Variants in UNC79 observed in about 807,000 individuals in gnomAD.
The protein encoded by UNC79 is unc-79 subunit of NALCN channel complex.
Under a neutral mutation model 283.1 loss-of-function variants are expected in UNC79, and 37 were observed. That is an observed-to-expected ratio of 0.13 (90% confidence interval 0.10 to 0.17). The LOEUF (loss-of-function observed/expected upper bound fraction) is 0.17, where lower values mean the gene tolerates loss of function less well. Among genes scored for constraint, UNC79 ranks in the 10% least tolerant of loss-of-function variants. The probability of loss-of-function intolerance (pLI) is 1.00; values close to 1 mark genes in which losing one functional copy is unlikely to be tolerated. For synonymous variants in UNC79, 1,107 were observed against 1,200.2 expected (o/e 0.92, Z 1.61); for missense variants, 2,272 against 3,211.1 (o/e 0.71, Z 7.07).
At chr14:93,684,045 A>T (rs560252475) in intron 42 of UNC79, among the ~76,000 whole-genome samples, 2 of 152,156 alleles carry the variant, frequency 1.3e-5, no homozygotes, top group Admixed American at 6.5e-5. Flanking sequence ...GTCATTAGCA[A>T]TGAGAGCACT....
At chr14:93,505,269 C>A (rs150731640) in intron 7 of UNC79, among the ~76,000 whole-genome samples, 1 of 152,194 alleles carries the variant, frequency 6.6e-6, no homozygotes, top group East Asian at 1.9e-4. Context: ...AAATCTCTTA[C>A]TATGACTGTG....
intron 24 of UNC79, among the ~76,000 whole-genome samples, chr14:93,599,625 C>T (rs562933649): frequency 6.6e-6 from 1 of 152,268 alleles, no homozygotes; most frequent in East Asian, 1.9e-4. Context: ...CATTAGATGA[C>T]AGCTGAATTA....
At chr14:93,643,977 G>C (rs2069324802) in intron 34 of UNC79, among the ~76,000 whole-genome samples, 2 of 152,190 alleles carry the variant, frequency 1.3e-5, no homozygotes, top group African/African-American at 4.8e-5. Flanking sequence ...TGAGCTAATG[G>C]TTGTAACCAC....
In UNC79 at chr14:93,434,292, G is replaced by C. The variant is rs144208971; in HGVS notation, c.22+3241G>C. Among the ~76,000 whole-genome samples, 525 of 152,172 alleles carry C rather than the reference G, an allele frequency of 3.5e-3. 12 individuals are homozygous for C. The South Asian group carries it at 0.051, about 15-fold the overall frequency. On this transcript the variant is annotated intron_variant, in intron 1 of 48. Coordinates refer to ENST00000555664, the Ensembl canonical transcript of UNC79. ...GGAGCCTTTAAAAAATATTCAATCT[G>C]TTTCCTGTGCTATCTGCAGAGCCTC...
At chr14:93,382,299 A>G (rs1314067591) in intron 1 of UNC79, among the ~76,000 whole-genome samples, 3 of 152,132 alleles carry the variant, frequency 2.0e-5, no homozygotes, top group African/African-American at 4.8e-5. Context: ...GAAGAAAAGA[A>G]CACTATTTTC....
intron 5 of UNC79, among the ~76,000 whole-genome samples, chr14:93,490,993 C>T (rs1464023699): frequency 1.4e-4 from 22 of 152,160 alleles, no homozygotes; most frequent in Admixed American, 1.3e-3. Flanking sequence ...AAGCAATGCA[C>T]ATTTGTTTCT....
intron 1 of UNC79, among the ~76,000 whole-genome samples, chr14:93,442,909 CA>C (rs1424240981): frequency 2.0e-5 from 3 of 152,096 alleles, no homozygotes; most frequent in African/African-American, 4.8e-5. Flanking sequence ...GCCAACATGG[CA>C]AAACCCTATA....
Position 93,612,711 on chromosome 14 carries a change from G to A in UNC79, c.3755-86G>A, listed in dbSNP as rs1192419781. 5 of 1,512,836 alleles carry A rather than the reference G, an allele frequency of 3.3e-6. No individual in the cohort carries two copies. The African/African-American group carries it at 5.6e-5, about 17-fold the overall frequency. The allele number at this position is 1,512,836 out of a possible 1,614,324, so 93.7% of individuals were successfully genotyped here. ...AAAATTTTGTAGACGCAGAAACAAG[G>A]GTGCCTTATCAATATCTAAGAGAGA... On this transcript the variant is annotated intron_variant, in intron 26 of 48. Transcript: ENST00000555664.
chr14:93,669,450 C>A (rs1195985331), intron 40 of UNC79, among the ~76,000 whole-genome samples: 1 of 152,062 alleles, frequency 6.6e-6, no homozygotes, highest in East Asian at 1.9e-4. Flanking sequence ...GCTAGAGGAA[C>A]AAAAGTCCGG....
intron 17 of UNC79, 29 bp from the exon 18 acceptor site, chr14:93,577,813 T>C: frequency 6.2e-7 from 1 of 1,608,874 alleles, no homozygotes; most frequent in South Asian, 1.1e-5. Flanking sequence ...TGTGAGTTCA[T>C]TTCTATGTGT....
intron 13 of UNC79, 53 bp from the exon 14 acceptor site, chr14:93,542,413 A>G: frequency 6.5e-7 from 1 of 1,544,256 alleles, no homozygotes; most frequent in East Asian, 2.3e-5. Flanking sequence ...ACCTATAATA[A>G]TTTTGTAAAG....
chr14:93,653,174 T>G (rs1200441465), intron 35 of UNC79, among the ~76,000 whole-genome samples: 1 of 152,092 alleles, frequency 6.6e-6, no homozygotes, highest in Non-Finnish European at 1.5e-5. Context: ...CCTCATAAAT[T>G]TGGCCCTACT....
intron 1 of UNC79, chr14:93,348,124 G>A: frequency 6.4e-7 from 1 of 1,568,198 alleles, no homozygotes; most frequent in Non-Finnish European, 8.8e-7. Context: ...GAATTAGATG[G>A]AAGATGATGT....
At chr14:93,443,006 T>C (rs1798194073) in intron 1 of UNC79, among the ~76,000 whole-genome samples, 1 of 152,070 alleles carries the variant, frequency 6.6e-6, no homozygotes, top group Non-Finnish European at 1.5e-5. Context: ...GGCATATCAC[T>C]TTAGGTCAGG....
intron 39 of UNC79, among the ~76,000 whole-genome samples, chr14:93,659,720 G>A (rs371563015): frequency 3.2e-4 from 49 of 152,220 alleles, no homozygotes; most frequent in South Asian, 1.0e-3. Context: ...CAGAATCAGC[G>A]TTATCATCAT....
At chr14:93,671,568 T>G (rs1465584021) in intron 40 of UNC79, among the ~76,000 whole-genome samples, 2 of 151,808 alleles carry the variant, frequency 1.3e-5, no homozygotes, top group Non-Finnish European at 2.9e-5. Flanking sequence ...AGATTGGGAG[T>G]ACAAGACCAG....
chr14:93,453,796 A>G (rs1264312533), intron 1 of UNC79, among the ~76,000 whole-genome samples: 1 of 152,218 alleles, frequency 6.6e-6, no homozygotes. Flanking sequence ...ATTGTTACAT[A>G]TCCAACATTC....
chr14:93,413,193 C>G (rs1294466043), intron 1 of UNC79, among the ~76,000 whole-genome samples: 1 of 127,520 alleles, frequency 7.8e-6, no homozygotes, highest in African/African-American at 3.0e-5. Context: ...CACCCCACAA[C>G]AGTCCCCAGA....
chr14:93,675,350 CCT>C (rs2073247070), intron 41 of UNC79, among the ~76,000 whole-genome samples: 1 of 152,140 alleles, frequency 6.6e-6, no homozygotes, highest in South Asian at 2.1e-4. Context: ...CATTATGAGG[CCT>C]GACATGGGCC....
Sources: allele counts gnomAD v4.1 joint callset (sites outside exome capture counted in the v4.1 genomes callset), GRCh38; gene constraint gnomAD v4.1.1; transcripts MANE v1.5; gene names NCBI Gene and HGNC (gene_info 2026-07-23, HGNC 2026-07-21).